PAPPA: variants seen among roughly 807,000 people sequenced by gnomAD.
PAPPA encodes pappalysin-1.
A neutral mutation model predicts 164.0 loss-of-function variants in PAPPA; 60 were observed. The observed-to-expected ratio is 0.37, with a 90% CI of 0.30 to 0.45. The LOEUF (loss-of-function observed/expected upper bound fraction) is 0.45. Ranked by LOEUF, PAPPA falls within the 20% of genes least tolerant of loss-of-function variation. The probability of loss-of-function intolerance (pLI) is 1.00; values close to 1 mark genes in which losing one functional copy is unlikely to be tolerated. For missense variants in PAPPA, 1,782 were observed against 2,087.3 expected (o/e 0.85, Z 2.85); for synonymous variants, 875 against 814.1 (o/e 1.07, Z -1.27).
intron 9 of PAPPA, among the ~76,000 whole-genome samples, chr9:116,281,811 C>T (rs1845271150): frequency 6.6e-6 from 1 of 152,150 alleles, no homozygotes; most frequent in Non-Finnish European, 1.5e-5. Flanking sequence ...CTGAGTGCTG[C>T]ATCTTATGCC....
At position 116,271,549 on chromosome 9, in the gene PAPPA, C is replaced by A; in HGVS notation, c.2953+133C>A. ...TTGTATTACACCTGTTTATTGAGTG[C>A]CTCCTACATGCCAGGCACTGTTTTC... On this transcript the variant is annotated intron_variant, in intron 9 of 21. Transcript: ENST00000328252. This position sits in a 1 kb window ranked among gnomAD's most constrained non-coding sequence, Gnocchi z 4.2. 1 of 687,074 alleles carries A rather than the reference C, an allele frequency of 1.5e-6. No individual in the cohort carries two copies. 42.6% of individuals were successfully genotyped at this position (687,074 alleles called of 1,614,324 possible).
rs573438962 is a variant in PAPPA at position 116,191,489 on chromosome 9, T to C, written c.1478+3273T>C. Reference sequence around the variant, plus strand: ...TTAACAGGCATTTATTGGGCATGTCTATCCCACCAGCCTTTCTGCTCTTCA... The same window carrying C: ...TTAACAGGCATTTATTGGGCATGTCCATCCCACCAGCCTTTCTGCTCTTCA... On this transcript the variant is annotated intron_variant, in intron 2 of 21. Coordinates refer to ENST00000328252, the MANE Select transcript of PAPPA (RefSeq NM_002581.5). Among the ~76,000 whole-genome samples, 7 of 152,326 alleles carry C rather than the reference T, an allele frequency of 4.6e-5. No individual in the cohort carries two copies. In the South Asian group the frequency reaches 1.2e-3, roughly 27 times the overall value.
chr9:116,377,694 C>A, intron 20 of PAPPA, 47 bp downstream of exon 20: 2 of 1,346,264 alleles, frequency 1.5e-6, no homozygotes, highest in Non-Finnish European at 2.1e-6. Flanking sequence ...AATAATCCTG[C>A]TGTTGTTATT....
intron 12 of PAPPA, 91 bp downstream of exon 12, chr9:116,332,559 TCTTC>T (rs1846007789): frequency 1.7e-6 from 2 of 1,156,116 alleles, no homozygotes; most frequent in East Asian, 4.9e-5. Context: ...TAGAATGAGC[TCTTC>T]CTTCCTTTTT....
chr9:116,179,365 C>A (rs1418362242), intron 1 of PAPPA, among the ~76,000 whole-genome samples: 1 of 152,192 alleles, frequency 6.6e-6, no homozygotes, highest in East Asian at 1.9e-4. Flanking sequence ...ATCTGGTCCT[C>A]CTCCTACACT....
chr9:116,221,722 GC>G (rs376812679), intron 5 of PAPPA, among the ~76,000 whole-genome samples: 9 of 149,610 alleles, frequency 6.0e-5, no homozygotes, highest in South Asian at 2.1e-4. Flanking sequence ...CCCCCGCAAG[GC>G]AAAAAAAAAG....
At chr9:116,250,070 A>G (rs1844843068) in intron 7 of PAPPA, among the ~76,000 whole-genome samples, 1 of 151,772 alleles carries the variant, frequency 6.6e-6, no homozygotes, top group African/African-American at 2.4e-5. Flanking sequence ...AGGCAAACAA[A>G]GACCTGTGAG....
At chr9:116,231,871 C>T (rs1844602740) in intron 6 of PAPPA, among the ~76,000 whole-genome samples, 1 of 148,834 alleles carries the variant, frequency 6.7e-6, no homozygotes, top group African/African-American at 2.5e-5. Context: ...AAGTAACTCT[C>T]CTGCCTCAGC....
At chr9:116,287,486 G>A (rs1469542707) in intron 9 of PAPPA, 4 of 152,202 alleles carry the variant, frequency 2.6e-5, no homozygotes, top group African/African-American at 7.2e-5. Context: ...TCAGGGCAAC[G>A]ACAATTTGTG....
chr9:116,332,099 C>G (rs1470668503), intron 11 of PAPPA, among the ~76,000 whole-genome samples: 1 of 152,124 alleles, frequency 6.6e-6, no homozygotes, highest in Admixed American at 6.5e-5. Context: ...GCCATTCACT[C>G]AATGTCACAC....
chr9:116,155,003 G>A (rs1843584358), intron 1 of PAPPA, among the ~76,000 whole-genome samples: 1 of 152,338 alleles, frequency 6.6e-6, no homozygotes, highest in East Asian at 1.9e-4. Flanking sequence ...CGTTTTAATG[G>A]AGGTAACTCC....
At chr9:116,240,953 C>G (rs1844728514) in intron 7 of PAPPA, among the ~76,000 whole-genome samples, 1 of 152,216 alleles carries the variant, frequency 6.6e-6, no homozygotes, top group Non-Finnish European at 1.5e-5. Context: ...ATTCTTCTCT[C>G]ACATTCAGAC....
intron 10 of PAPPA, among the ~76,000 whole-genome samples, chr9:116,325,542 CTA>C (rs985563184): frequency 1.3e-5 from 2 of 152,136 alleles, no homozygotes; most frequent in Non-Finnish European, 2.9e-5. Flanking sequence ...AATGGATAGT[CTA>C]AGGGATTCTG....
At chr9:116,177,878 C>T (rs1843855804) in intron 1 of PAPPA, among the ~76,000 whole-genome samples, 1 of 152,082 alleles carries the variant, frequency 6.6e-6, no homozygotes, top group South Asian at 2.1e-4. Flanking sequence ...CTTCTTTCTC[C>T]TTGATCTTTT....
intron 21 of PAPPA, 115 bp from the exon 22 acceptor site, chr9:116,396,394 C>T: frequency 1.4e-6 from 1 of 727,456 alleles, no homozygotes; most frequent in South Asian, 1.5e-5. Flanking sequence ...AGAGCCATAA[C>T]TTGAACTTGA....
In PAPPA at chr9:116,231,766, C is replaced by CTTTTTT. The variant is rs71377228; in HGVS notation, c.2234-3366_2234-3361dup. On this transcript the variant is annotated intron_variant, in intron 6 of 21. Coordinates refer to ENST00000328252, the MANE Select transcript of PAPPA (RefSeq NM_002581.5). ...GTGGTTTTTCTTTTCTTTTCTTTTT[C>CTTTTTT]TTTTTTTTTTTTGAGATGGAGTTTC... is the stretch of plus-strand genomic sequence containing the variant. 5.2e-5 allele frequency among the ~76,000 whole-genome samples: 3 copies of CTTTTTT among 57,540 alleles called. 1 individual carries two copies. Among genetic ancestry groups the CTTTTTT allele is most frequent in the African/African-American group, 1.3e-4 (2 of 14,890 alleles). 37.7% of individuals were successfully genotyped at this position (57,540 alleles called of 152,430 possible).
intron 7 of PAPPA, among the ~76,000 whole-genome samples, chr9:116,242,851 T>A (rs1844751863): frequency 6.6e-6 from 1 of 152,104 alleles, no homozygotes; most frequent in South Asian, 2.1e-4. Flanking sequence ...GAAAGTGTTT[T>A]TTCTTTGCAC....
At chr9:116,266,381 G>T (rs749385954) in intron 8 of PAPPA, among the ~76,000 whole-genome samples, 1 of 152,110 alleles carries the variant, frequency 6.6e-6, no homozygotes, top group Non-Finnish European at 1.5e-5. Flanking sequence ...TTCTTTGCTG[G>T]TTACCATTCA....
intron 1 of PAPPA, among the ~76,000 whole-genome samples, chr9:116,156,352 A>ATG (rs1843605386): frequency 7.0e-6 from 1 of 142,054 alleles, no homozygotes; most frequent in Non-Finnish European, 1.5e-5. Flanking sequence ...ATATATGTAT[A>ATG]TATATATATA....
Sources: gnomAD v4.1 joint callset for allele counts (sites outside exome capture counted in the v4.1 genomes callset) on GRCh38, gnomAD v4.1.1 for gene constraint, Gnocchi (gnomAD v3.1) non-coding constraint, MANE v1.5 for transcripts, NCBI Gene and HGNC (gene_info 2026-07-23, HGNC 2026-07-21) for gene names.